DDC: variants seen among roughly 807,000 people sequenced by gnomAD.
DDC encodes the protein dopa decarboxylase, also known as aromatic-L-amino-acid decarboxylase.
A neutral mutation model predicts 60.0 loss-of-function variants in DDC; 43 were observed. The ratio of observed to expected loss-of-function variants is 0.72; its 90% CI spans 0.56 to 0.92. The LOEUF (loss-of-function observed/expected upper bound fraction) is 0.92. DDC is among the 40% of genes least tolerant of loss of function. The pLI, the probability that DDC is intolerant of heterozygous loss-of-function variation, is 0.00. For missense variants in DDC, 573 were observed against 620.2 expected, an observed-to-expected ratio of 0.92 and a Z score of 0.81; for synonymous variants, 232 against 234.6, an observed-to-expected ratio of 0.99 and a Z score of 0.10.
chr7:50,545,578 T>C (rs1014971258), intron 1 of DDC, among the ~76,000 whole-genome samples: 41 of 152,364 alleles, frequency 2.7e-4, no homozygotes, highest in Admixed American at 2.4e-3. Flanking sequence ...GTTCAAGTGA[T>C]TCTCCTGCCT....
intron 6 of DDC, among the ~76,000 whole-genome samples, chr7:50,520,993 A>G (rs1225102915): frequency 1.3e-5 from 2 of 151,974 alleles, no homozygotes; most frequent in African/African-American, 4.8e-5. Context: ...TTAGAGCAGA[A>G]ATCAATGAAA....
intron 11 of DDC, among the ~76,000 whole-genome samples, chr7:50,476,175 A>T (rs939314074): frequency 1.3e-5 from 2 of 152,288 alleles, no homozygotes; most frequent in Middle Eastern, 3.4e-3. Flanking sequence ...CTCATTCAAC[A>T]CTTGTTTCAA....
chr7:50,535,211 C>T (rs1175798848), intron 4 of DDC, among the ~76,000 whole-genome samples: 1 of 151,670 alleles, frequency 6.6e-6, no homozygotes, highest in Non-Finnish European at 1.5e-5. Flanking sequence ...GGCTGGAGTG[C>T]AATGGCAAGG....
At chr7:50,529,178 T>A in intron 5 of DDC, 30 bp downstream of exon 5, 1 of 1,612,436 alleles carries the variant, frequency 6.2e-7, no homozygotes, top group Non-Finnish European at 8.5e-7. Flanking sequence ...GGTCTTGAAG[T>A]CTTGGCTGAT....
intron 6 of DDC, among the ~76,000 whole-genome samples, chr7:50,514,552 G>A (rs1475479402): frequency 6.6e-6 from 1 of 152,156 alleles, no homozygotes; most frequent in Non-Finnish European, 1.5e-5. Context: ...CCAGAGAAAG[G>A]CAGAGCCCAA....
intron 6 of DDC, among the ~76,000 whole-genome samples, chr7:50,511,049 C>CTATATA (rs146390731): frequency 0.021 from 1,752 of 83,616 alleles, 45 homozygotes; most frequent in African/African-American, 0.067. Context: ...TAGGATATAT[C>CTATATA]TATACACACA....
chr7:50,544,038 G>C lies in DDC; in HGVS notation c.48C>G (p.Tyr16Ter), dbSNP rs745576871. The C allele has an allele frequency of 6.2e-7, 1 of 1,614,126 alleles. No homozygotes were observed. The highest frequency in any genetic ancestry group is 8.5e-7 in the Non-Finnish European group (1 of 1,179,996). Residue 16 changes from tyrosine (Y) to a stop codon, truncating the protein, a stop_gained, in exon 2 of 15, where the codon TAC becomes TAG. Transcript: ENST00000444124. LOFTEE classifies it high-confidence loss of function. ...FRRRGKEMVDYMANYMEGIEG... is the reference protein window; with the variant it reads ...FRRRGKEMVD Reference sequence around the variant, plus strand: ...CAATGCCTTCCATGTAGTTGGCCATGTAATCCACCATCTCCTTCCCTCTCC... The same window carrying C: ...CAATGCCTTCCATGTAGTTGGCCATCTAATCCACCATCTCCTTCCCTCTCC...
intron 1 of DDC, among the ~76,000 whole-genome samples, chr7:50,547,025 C>A (rs967137698): frequency 1.3e-5 from 2 of 152,106 alleles, no homozygotes; most frequent in African/African-American, 4.8e-5. Flanking sequence ...TTTGAAGTGA[C>A]TGTTTTTTTT....
chr7:50,476,748 C>A lies in DDC; in HGVS notation c.1022-105G>T, dbSNP rs187468674. 5.4e-4 allele frequency: 604 copies of A among 1,123,140 alleles called. 4 individuals are homozygous for A. The East Asian group carries it at 0.015, about 27-fold the overall frequency. 69.6% of individuals were successfully genotyped at this position (1,123,140 alleles called of 1,614,324 possible). On this transcript the variant is annotated intron_variant, in intron 10 of 14. Coordinates refer to ENST00000444124, the MANE Select transcript of DDC (RefSeq NM_001082971.2). ...AGGTAAATTTCTTGTGTCTTCTAAG[C>A]CAGAAATAAAACTGCCCAAAGGCTG...
Position 50,470,388 on chromosome 7 carries a change from C to T in DDC, c.1042-217G>A, listed in dbSNP as rs141319786. The stretch of plus-strand genomic sequence containing the variant: ...CAAGAGAAAGGAACACAGATGGGGA[C>T]TGTTGACCTGGGAGCCAGTGATGTT... On this transcript the variant is annotated intron_variant, in intron 11 of 14. Coordinates refer to ENST00000444124, the MANE Select transcript of DDC (RefSeq NM_001082971.2). Among the ~76,000 whole-genome samples, 715 of 152,342 alleles carry T rather than the reference C, an allele frequency of 4.7e-3. 6 individuals are homozygous for T. Among genetic ancestry groups the T allele is most frequent in the African/African-American group, 0.016 (675 of 41,578 alleles).
chr7:50,551,880 A>G (rs2045007801), intron 1 of DDC, among the ~76,000 whole-genome samples: 1 of 152,086 alleles, frequency 6.6e-6, no homozygotes, highest in Non-Finnish European at 1.5e-5. Flanking sequence ...TTCTAGCTAT[A>G]TCTATTTGCC....
chr7:50,552,418 C>T (rs2045030069), intron 1 of DDC, among the ~76,000 whole-genome samples: 1 of 152,192 alleles, frequency 6.6e-6, no homozygotes, highest in South Asian at 2.1e-4. Flanking sequence ...CGCTATTCTC[C>T]ATGCAGCCCC....
chr7:50,492,884 C>T (rs780806633), intron 9 of DDC: 5 of 1,588,394 alleles, frequency 3.1e-6, no homozygotes, highest in Non-Finnish European at 4.3e-6. Context: ...GCGTCTGCGG[C>T]AGCCTCGGGG....
chr7:50,524,273 G>T (rs545895076), intron 6 of DDC, among the ~76,000 whole-genome samples: 104 of 152,112 alleles, frequency 6.8e-4, no homozygotes, highest in Non-Finnish European at 1.3e-3. Context: ...AAAACATATA[G>T]AAAATTCAAT....
chr7:50,557,368 T>C lies in DDC; in HGVS notation c.-29+7917A>G, dbSNP rs2045219648. ...ATATCTCTGTAACCATGCTGTGACC[T>C]TAGTTAATGCTGGCTGGAAAAATTC... On this transcript the variant is annotated intron_variant, in intron 1 of 14. Coordinates refer to ENST00000444124, the MANE Select transcript of DDC (RefSeq NM_001082971.2). Among the ~76,000 whole-genome samples the C allele has an allele frequency of 2.0e-5, 3 of 152,206 alleles. 1 individual carries two copies. The South Asian group carries it at 6.2e-4, about 31-fold the overall frequency.
chr7:50,537,037 G>GTTTTTT (rs10574868), intron 4 of DDC, among the ~76,000 whole-genome samples: 4 of 140,390 alleles, frequency 2.8e-5, no homozygotes, highest in South Asian at 2.3e-4. Flanking sequence ...CTAGGAAGTT[G>GTTTTTT]TTTTTTTTTT....
chr7:50,555,752 C>T (rs2045162938), intron 1 of DDC, among the ~76,000 whole-genome samples: 1 of 152,148 alleles, frequency 6.6e-6, no homozygotes, highest in Non-Finnish European at 1.5e-5. Flanking sequence ...ACTATTACTC[C>T]CTTTAACAGA....
chr7:50,467,022 G>A (rs774381584), intron 13 of DDC, among the ~76,000 whole-genome samples, 192 bp downstream of exon 13: 3 of 152,242 alleles, frequency 2.0e-5, no homozygotes, highest in Non-Finnish European at 2.9e-5. Flanking sequence ...TTGAGGAAGC[G>A]GGAACAGCCG....
At chr7:50,505,817 C>A (rs968495850) in intron 6 of DDC, among the ~76,000 whole-genome samples, 5 of 152,390 alleles carry the variant, frequency 3.3e-5, no homozygotes, top group Admixed American at 6.5e-5. Flanking sequence ...CTGAGCTATG[C>A]CCAAGGGAGT....
Sources: gnomAD v4.1 joint callset for allele counts (sites outside exome capture counted in the v4.1 genomes callset) on GRCh38, gnomAD v4.1.1 for gene constraint, MANE v1.5 for transcripts, NCBI Gene and HGNC (gene_info 2026-07-23, HGNC 2026-07-21) for gene names.